SLC26A7: variants seen among roughly 807,000 people sequenced by gnomAD.
SLC26A7 encodes solute carrier family 26 member 7, also known as anion exchange transporter.
SLC26A7 carries 59 observed loss-of-function variants against 82.5 expected under a neutral mutation model. The ratio of observed to expected loss-of-function variants is 0.72; its 90% CI spans 0.58 to 0.89. The LOEUF (loss-of-function observed/expected upper bound fraction) is 0.89. Ranked by LOEUF, SLC26A7 falls within the 40% of genes least tolerant of loss-of-function variation. SLC26A7 has a pLI of 0.00. For missense variants in SLC26A7, 820 were observed against 793.0 expected (o/e 1.03, Z -0.41); for synonymous variants, 271 against 274.3 (o/e 0.99, Z 0.12).
intron 2 of SLC26A7, among the ~76,000 whole-genome samples, chr8:91,221,490 G>T (rs1431106791): frequency 1.3e-5 from 2 of 152,150 alleles, no homozygotes; most frequent in Admixed American, 6.5e-5. Context: ...TTCTTCTGGG[G>T]TTTTTATGGT....
chr8:91,352,807 C>T (rs1028478204), intron 10 of SLC26A7, 94 bp from the exon 11 acceptor site: 9 of 1,004,542 alleles, frequency 9.0e-6, no homozygotes, highest in Admixed American at 2.5e-5. Context: ...CTATTAAGTA[C>T]TTTAAAAACA....
chr8:91,217,294 G>A (rs1275762503), intron 1 of SLC26A7, among the ~76,000 whole-genome samples: 1 of 152,178 alleles, frequency 6.6e-6, no homozygotes, highest in Non-Finnish European at 1.5e-5. Flanking sequence ...AAGCAATGAA[G>A]AAGGTCCAGG....
intron 2 of SLC26A7, among the ~76,000 whole-genome samples, chr8:91,267,943 T>C (rs975269062): frequency 6.6e-6 from 1 of 151,854 alleles, no homozygotes; most frequent in South Asian, 2.1e-4. Flanking sequence ...TGGTATGTTG[T>C]GCTTCCATTT....
intron 4 of SLC26A7, among the ~76,000 whole-genome samples, chr8:91,308,681 T>C (rs766785774): frequency 6.6e-6 from 1 of 152,204 alleles, no homozygotes; most frequent in Non-Finnish European, 1.5e-5. Flanking sequence ...ATTCTGAACA[T>C]ATTTGCCTAT....
intron 2 of SLC26A7, among the ~76,000 whole-genome samples, chr8:91,273,671 A>C (rs2130738564): frequency 6.6e-6 from 1 of 152,190 alleles, no homozygotes; most frequent in Non-Finnish European, 1.5e-5. Flanking sequence ...CAACCAAATA[A>C]CTTCGTGACT....
rs570936565 is a variant in SLC26A7, at chr8:91,300,447, G to T, written c.477+4744G>T. Among the ~76,000 whole-genome samples, 59 of 151,494 alleles carry T rather than the reference G, an allele frequency of 3.9e-4. 1 individual carries two copies. The highest frequency in any genetic ancestry group is 1.3e-3 in the African/African-American group (53 of 41,302). ...GAGTCTTGCTCTGTCACCCAGGCTG[G>T]AGTGCAGGGGCGCGATCTCGGCTCA... is the stretch of plus-strand genomic sequence containing the variant. On this transcript the variant is annotated intron_variant, in intron 4 of 18. Coordinates refer to ENST00000276609, the MANE Select transcript of SLC26A7 (RefSeq NM_052832.4).
Position 91,395,119 on chromosome 8 carries a change from CTCTTG to C in SLC26A7, c.*27_*31del, listed in dbSNP as rs1808533293. 2 of 1,612,788 alleles carry C rather than the reference CTCTTG, an allele frequency of 1.2e-6. No individual in the cohort carries two copies. Among genetic ancestry groups the C allele is most frequent in the Non-Finnish European group, 1.7e-6 (2 of 1,179,234 alleles). On this transcript the variant is annotated 3_prime_UTR_variant, in exon 19 of 19. Coordinates refer to ENST00000276609, the MANE Select transcript of SLC26A7 (RefSeq NM_052832.4). ...CTGAGACCCTTTTGTCACAGTACAG[CTCTTG>C]TCTTTACCAACTGCCTGAAGAGGCC...
At chr8:91,326,392 C>A (rs555810498) in intron 5 of SLC26A7, among the ~76,000 whole-genome samples, 2 of 152,066 alleles carry the variant, frequency 1.3e-5, no homozygotes, top group African/African-American at 4.8e-5. Flanking sequence ...GAGGCCTCCC[C>A]GCTTGGCTTG....
chr8:91,375,254 T>A (rs550432784), intron 15 of SLC26A7, among the ~76,000 whole-genome samples: 115 of 151,004 alleles, frequency 7.6e-4, no homozygotes, highest in African/African-American at 2.5e-3. Context: ...TAATATTGAT[T>A]TGTGAGGTTT....
chr8:91,257,856 G>A (rs1810847578), intron 2 of SLC26A7, among the ~76,000 whole-genome samples: 1 of 152,034 alleles, frequency 6.6e-6, no homozygotes, highest in East Asian at 1.9e-4. Flanking sequence ...CTGAGACTGG[G>A]TAATTTATTT....
intron 14 of SLC26A7, among the ~76,000 whole-genome samples, chr8:91,367,764 A>C (rs370620124): frequency 6.6e-6 from 1 of 152,196 alleles, no homozygotes; most frequent in African/African-American, 2.4e-5. Context: ...TACTGTCTCC[A>C]TGAAGCTTTC....
At chr8:91,254,908 A>G (rs886926890) in intron 2 of SLC26A7, among the ~76,000 whole-genome samples, 13 of 152,160 alleles carry the variant, frequency 8.5e-5, no homozygotes, top group Non-Finnish European at 1.6e-4. Context: ...TTTATAGATA[A>G]GCAAACATTT....
intron 4 of SLC26A7, among the ~76,000 whole-genome samples, chr8:91,301,253 C>T (rs1017193404): frequency 1.3e-5 from 2 of 152,114 alleles, no homozygotes; most frequent in South Asian, 4.1e-4. Context: ...TTCTTCTTAA[C>T]GTCCCTTCTC....
Position 91,288,751 on chromosome 8 carries a change from C to T in SLC26A7, c.194-385C>T, listed in dbSNP as rs567661698. 2.6e-5 allele frequency among the ~76,000 whole-genome samples: 4 copies of T among 152,296 alleles called. No homozygotes were observed. The East Asian group carries it at 7.7e-4, about 29-fold the overall frequency. ...ATCTGTCAGGGGTAAATCTTCTAGT[C>T]TCGCCTATCTTACAGATGCTATTGT... On this transcript the variant is annotated intron_variant, in intron 2 of 18. Coordinates refer to ENST00000276609, the MANE Select transcript of SLC26A7 (RefSeq NM_052832.4).
intron 2 of SLC26A7, among the ~76,000 whole-genome samples, chr8:91,270,359 G>A (rs1409954231): frequency 2.0e-5 from 3 of 152,150 alleles, no homozygotes; most frequent in Non-Finnish European, 4.4e-5. Flanking sequence ...GCTTGCCGTT[G>A]TTTCCTGGTC....
At chr8:91,216,535 T>C (rs2130655615) in intron 1 of SLC26A7, among the ~76,000 whole-genome samples, 1 of 152,236 alleles carries the variant, frequency 6.6e-6, no homozygotes, top group Non-Finnish European at 1.5e-5. Context: ...CTGAGGAAAA[T>C]GTATGTAGCA....
Position 91,264,748 on chromosome 8 carries a change from AT to A in SLC26A7, c.193+14913del, listed in dbSNP as rs796982164. Among the ~76,000 whole-genome samples, 34 of 151,696 alleles carry A rather than the reference AT, an allele frequency of 2.2e-4. No individual in the cohort carries two copies. The South Asian group carries it at 3.3e-3, about 15-fold the overall frequency. On this transcript the variant is annotated intron_variant, in intron 2 of 18. Transcript: ENST00000276609. Reference sequence around the variant, plus strand: ...ATGTTCAGGAGGTTACTTGCCAAAAATTTTTTTTTGTTTATAATTGACACAT... The same window carrying A: ...ATGTTCAGGAGGTTACTTGCCAAAAATTTTTTTTGTTTATAATTGACACAT...
chr8:91,371,788 C>A (rs1247664798), intron 15 of SLC26A7, among the ~76,000 whole-genome samples: 1 of 151,774 alleles, frequency 6.6e-6, no homozygotes, highest in Non-Finnish European at 1.5e-5. Context: ...ATTTTTAGTT[C>A]TTTGAGAAAT....
rs1050204152 is a variant in SLC26A7 at position 91,397,917 on chromosome 8, A to G, written c.*2820A>G. The G allele has an allele frequency of 6.6e-6, 1 of 152,552 alleles. No homozygotes were observed. The highest frequency in any genetic ancestry group is 1.5e-5 in the Non-Finnish European group (1 of 67,960). 9.4% of individuals were successfully genotyped at this position (152,552 alleles called of 1,614,324 possible). ...ATTTTGTGGGATGATAATCTAATTC[A>G]GTATAGAATATGCTGTTTGGCAATG... is the stretch of plus-strand genomic sequence containing the variant. On this transcript the variant is annotated 3_prime_UTR_variant, in exon 19 of 19. Coordinates refer to ENST00000276609, the MANE Select transcript of SLC26A7 (RefSeq NM_052832.4).
Sources: gnomAD v4.1 joint callset for allele counts (sites outside exome capture counted in the v4.1 genomes callset) on GRCh38, gnomAD v4.1.1 for gene constraint, MANE v1.5 for transcripts, NCBI Gene and HGNC (gene_info 2026-07-23, HGNC 2026-07-21) for gene names.